GAREM1: variants seen among roughly 807,000 people sequenced by gnomAD.
GAREM1 encodes GRB2-associated and regulator of MAPK protein 1.
Under a neutral mutation model 71.3 loss-of-function variants are expected in GAREM1, and 26 were observed. That is an observed-to-expected ratio of 0.36 (90% CI 0.27 to 0.51). The LOEUF (loss-of-function observed/expected upper bound fraction) is 0.51. Among genes scored for constraint, GAREM1 ranks in the 20% least tolerant of loss-of-function variants. The pLI is 0.95. For missense variants in GAREM1, 1,026 were observed against 1,103.1 expected, an observed-to-expected ratio of 0.93 and a Z score of 0.99; for synonymous variants, 440 against 433.2, an observed-to-expected ratio of 1.02 and a Z score of -0.20.
chr18:32,420,867 C>A (rs943387856), intron 1 of GAREM1, among the ~76,000 whole-genome samples: 1 of 152,056 alleles, frequency 6.6e-6, no homozygotes, highest in Non-Finnish European at 1.5e-5. Flanking sequence ...GTCTTCATTA[C>A]AGAGAATCCA....
intron 2 of GAREM1, among the ~76,000 whole-genome samples, chr18:32,368,573 T>C (rs2047947870): frequency 6.6e-6 from 1 of 152,196 alleles, no homozygotes; most frequent in South Asian, 2.1e-4. Context: ...AACTGCCTTA[T>C]TTATAACCTC....
At chr18:32,399,584 A>G (rs952014710) in intron 1 of GAREM1, among the ~76,000 whole-genome samples, 4 of 152,180 alleles carry the variant, frequency 2.6e-5, no homozygotes, top group Admixed American at 2.6e-4. Context: ...TGCTTCAAAG[A>G]GAATAAAATA....
chr18:32,364,837 C>T (rs1480294457), intron 2 of GAREM1, among the ~76,000 whole-genome samples: 1 of 151,554 alleles, frequency 6.6e-6, no homozygotes, highest in Non-Finnish European at 1.5e-5. Flanking sequence ...TTTTTAAATA[C>T]GAGAATGTAC....
intron 2 of GAREM1, among the ~76,000 whole-genome samples, chr18:32,350,774 C>T (rs543837045): frequency 6.6e-5 from 10 of 152,206 alleles, no homozygotes; most frequent in Admixed American, 6.5e-5. Context: ...AAGTGATGGC[C>T]TTCTGGTTTC....
intron 2 of GAREM1, among the ~76,000 whole-genome samples, chr18:32,377,007 CAG>C (rs982727013): frequency 6.6e-5 from 10 of 152,132 alleles, no homozygotes; most frequent in African/African-American, 2.2e-4. Flanking sequence ...ATCCTCATGA[CAG>C]ATATCTATGA....
chr18:32,412,056 T>A, intron 1 of GAREM1: 1 of 695,604 alleles, frequency 1.4e-6, no homozygotes, highest in South Asian at 1.5e-5. Flanking sequence ...TCCTCGAGTT[T>A]TTTGCCCATA....
intron 2 of GAREM1, among the ~76,000 whole-genome samples, chr18:32,351,163 G>A (rs767870596): frequency 6.6e-6 from 1 of 152,078 alleles, no homozygotes; most frequent in East Asian, 1.9e-4. Context: ...ATGGAATTAG[G>A]AAGTAATTTT....
chr18:32,441,224 A>G (rs1031115858), intron 1 of GAREM1, among the ~76,000 whole-genome samples: 3 of 152,180 alleles, frequency 2.0e-5, no homozygotes, highest in Non-Finnish European at 4.4e-5. Context: ...TATGGAAGAC[A>G]ATATATATTT....
At chr18:32,368,978 T>C (rs1263743419) in intron 2 of GAREM1, among the ~76,000 whole-genome samples, 1 of 152,224 alleles carries the variant, frequency 6.6e-6, no homozygotes, top group African/African-American at 2.4e-5. Context: ...GAACAATTAG[T>C]CTGTATTTGA....
intron 1 of GAREM1, among the ~76,000 whole-genome samples, chr18:32,414,592 A>G (rs2048450708): frequency 6.6e-6 from 1 of 152,134 alleles, no homozygotes; most frequent in Non-Finnish European, 1.5e-5. Context: ...AAACACATGG[A>G]AATGAAACAA....
intron 2 of GAREM1, among the ~76,000 whole-genome samples, chr18:32,390,924 T>C (rs904004870): frequency 6.6e-6 from 1 of 152,212 alleles, no homozygotes; most frequent in Non-Finnish European, 1.5e-5. Flanking sequence ...ATCCAATGTA[T>C]AACCAAGTTT....
intron 1 of GAREM1, among the ~76,000 whole-genome samples, chr18:32,420,755 G>GAAAAAAAAAAA (rs10683034): frequency 7.3e-5 from 9 of 123,192 alleles, no homozygotes; most frequent in African/African-American, 8.7e-5. Context: ...CTTCAAAAAT[G>GAAAAAAAAAAA]AAAAAAAAAA....
chr18:32,288,003 G>T lies in GAREM1; in HGVS notation c.594C>A (p.Leu198=), dbSNP rs1324969539. Residue 198 remains leucine (L), a synonymous_variant, in exon 4 of 6, where the codon CTC becomes CTA. Transcript: ENST00000269209. ...CGTTGGTCCGGTGATTCATACAAAT[G>T]AGGCACGGCATTTTGCCTTTTCCCA... The part of the protein sequence containing the change: ...SKLGKGKMPC[L]ICMNHRTNES... 6.2e-7 allele frequency: 1 copy of T among 1,614,036 alleles called. No homozygotes were observed. The highest frequency in any genetic ancestry group is 1.3e-5 in the African/African-American group (1 of 74,900).
intron 2 of GAREM1, among the ~76,000 whole-genome samples, chr18:32,379,244 C>T (rs555935839): frequency 6.6e-6 from 1 of 152,240 alleles, no homozygotes; most frequent in South Asian, 2.1e-4. Context: ...ACTGCCTCGT[C>T]ACCAGTTGTC....
In GAREM1 at chr18:32,267,911, T is replaced by A. The variant is rs756022559; in HGVS notation, c.2591A>T (p.Lys864Met). The A allele has an allele frequency of 1.2e-6, 2 of 1,613,918 alleles. No individual in the cohort carries two copies. Among genetic ancestry groups the A allele is most frequent in the Non-Finnish European group, 1.7e-6 (2 of 1,179,838 alleles). The change falls in exon 6 of 6, where the codon AAG (lysine) becomes ATG (methionine). Residue 864 changes from lysine (K) to methionine (M), a missense_variant. Lys to Met is a moderately conservative substitution (Grantham distance 95). Coordinates refer to ENST00000269209, the MANE Select transcript of GAREM1 (RefSeq NM_001242409.2). ...CCAGCCATTAATGAATTGCATTATC[T>A]TCTTCACCTGCAATTTGCTCAATTT... ...DFKLSKLQVK[K>M]IMQFINGWRP... is the part of the protein sequence containing the mutation.
chr18:32,434,343 G>T (rs1043697914), intron 1 of GAREM1, among the ~76,000 whole-genome samples: 4 of 152,116 alleles, frequency 2.6e-5, no homozygotes, highest in Non-Finnish European at 5.9e-5. Context: ...TCCTAACTGT[G>T]AGCTAGAAGC....
intron 2 of GAREM1, among the ~76,000 whole-genome samples, chr18:32,372,792 G>C (rs1023540806): frequency 1.3e-5 from 2 of 152,218 alleles, no homozygotes; most frequent in African/African-American, 4.8e-5. Flanking sequence ...TGGGGCAAGA[G>C]GTCAGAATTG....
intron 2 of GAREM1, among the ~76,000 whole-genome samples, chr18:32,328,737 GA>G (rs1423169744): frequency 6.6e-6 from 1 of 152,160 alleles, no homozygotes; most frequent in Non-Finnish European, 1.5e-5. Flanking sequence ...AAACAAAAAT[GA>G]ATTCCTACCT....
intron 3 of GAREM1, among the ~76,000 whole-genome samples, chr18:32,309,755 T>C (rs758033562): frequency 4.0e-5 from 6 of 151,892 alleles, no homozygotes; most frequent in Admixed American, 3.3e-4. Context: ...AATGAATACA[T>C]GCTGACTTCA....
Sources: allele counts gnomAD v4.1 joint callset (sites outside exome capture counted in the v4.1 genomes callset), GRCh38; gene constraint gnomAD v4.1.1; transcripts MANE v1.5; gene names NCBI Gene and HGNC (gene_info 2026-07-23, HGNC 2026-07-21).